Variants in SENP7 observed in about 807,000 individuals in gnomAD.
The protein encoded by SENP7 is sentrin-specific protease 7.
A neutral mutation model predicts 141.2 loss-of-function variants in SENP7; 64 were observed. The observed-to-expected ratio is 0.45, with a 90% CI of 0.37 to 0.56. The LOEUF (loss-of-function observed/expected upper bound fraction) is 0.56. Among genes scored for constraint, SENP7 ranks in the 20% least tolerant of loss-of-function variants. The probability of loss-of-function intolerance (pLI) is 0.00; values close to 1 mark genes in which losing one functional copy is unlikely to be tolerated. For synonymous variants in SENP7, 382 were observed against 426.4 expected, an observed-to-expected ratio of 0.90 and a Z score of 1.28; for missense variants, 1,025 against 1,212.2, an observed-to-expected ratio of 0.85 and a Z score of 2.29.
At chr3:101,411,746 T>C (rs1449627598) in intron 5 of SENP7, among the ~76,000 whole-genome samples, 1 of 152,252 alleles carries the variant, frequency 6.6e-6, no homozygotes, top group African/African-American at 2.4e-5. Context: ...ACTAAAGTTG[T>C]CATTTCACAC....
chr3:101,394,922 CTGTTTGTCATT>C (rs1369776182), intron 6 of SENP7, among the ~76,000 whole-genome samples: 1 of 152,152 alleles, frequency 6.6e-6, no homozygotes, highest in Non-Finnish European at 1.5e-5. Flanking sequence ...GTTCACATAC[CTGTTTGTCATT>C]TGTATGTCTT....
intron 13 of SENP7, 51 bp downstream of exon 13, chr3:101,347,821 T>C: frequency 1.1e-6 from 1 of 898,806 alleles, no homozygotes; most frequent in Non-Finnish European, 1.6e-6. Context: ...GAAAAAACTA[T>C]TTATGACAAT....
At chr3:101,411,833 A>G (rs2061465410) in intron 5 of SENP7, among the ~76,000 whole-genome samples, 2 of 152,254 alleles carry the variant, frequency 1.3e-5, no homozygotes, top group Non-Finnish European at 2.9e-5. Context: ...ATTTACTAAT[A>G]CTATGAAATC....
At chr3:101,395,797 T>C (rs1047126243) in intron 6 of SENP7, among the ~76,000 whole-genome samples, 1 of 152,242 alleles carries the variant, frequency 6.6e-6, no homozygotes, top group Non-Finnish European at 1.5e-5. Context: ...GGAACACATG[T>C]TGGCACCCTC....
At chr3:101,384,617 C>G (rs947952859) in intron 6 of SENP7, among the ~76,000 whole-genome samples, 1 of 152,240 alleles carries the variant, frequency 6.6e-6, no homozygotes, top group Non-Finnish European at 1.5e-5. Flanking sequence ...CCTGGCTGTG[C>G]ACAGTGGCCA....
intron 6 of SENP7, among the ~76,000 whole-genome samples, chr3:101,372,649 A>G (rs779354816): frequency 2.6e-5 from 4 of 152,088 alleles, no homozygotes; most frequent in Admixed American, 6.5e-5. Context: ...TGATAGTCAC[A>G]ATGTTACTAC....
chr3:101,493,372 T>C (rs1331954767), intron 3 of SENP7, among the ~76,000 whole-genome samples: 1 of 152,136 alleles, frequency 6.6e-6, no homozygotes, highest in Non-Finnish European at 1.5e-5. Flanking sequence ...AACCTGCACT[T>C]GTACCACTAA....
upstream of SENP7, chr3:101,513,212 GGAAA>G (rs1559934646): frequency 0.031 from 4,229 of 135,640 alleles, 426 homozygotes; most frequent in African/African-American, 0.097. Context: ...GGAGGGGAAA[GGAAA>G]AAAAAAAAAA....
At chr3:101,422,664 T>C (rs1003529726) in intron 4 of SENP7, among the ~76,000 whole-genome samples, 2 of 152,130 alleles carry the variant, frequency 1.3e-5, no homozygotes, top group Non-Finnish European at 2.9e-5. Flanking sequence ...ATACTAATAC[T>C]CACTTAATTT....
chr3:101,330,376 T>C lies in SENP7; in HGVS notation c.2709A>G (p.Leu903=), dbSNP rs201893096. 6 of 1,605,384 alleles carry C rather than the reference T, an allele frequency of 3.7e-6. No individual in the cohort carries two copies. The highest frequency in any genetic ancestry group is 4.5e-5 in the East Asian group (2 of 44,734). The change falls in exon 20 of 24, where the codon CTA becomes CTG. Residue 903 remains leucine, a synonymous_variant. Transcript: ENST00000394095. ...QNDNKTIDND[L]RTTSTLSLSA... is the part of the protein sequence containing the mutation. ...TCAAAGACAGTGTCGAAGTAGTACGTAGATCATTATCTAGTTAGAAATAAT... is the reference window on the plus strand; with the variant it reads ...TCAAAGACAGTGTCGAAGTAGTACGCAGATCATTATCTAGTTAGAAATAAT...
At chr3:101,344,744 C>T (rs565661728) in intron 13 of SENP7, among the ~76,000 whole-genome samples, 1 of 152,120 alleles carries the variant, frequency 6.6e-6, no homozygotes, top group African/African-American at 2.4e-5. Context: ...AACTGAATTT[C>T]ACTTTTTAGA....
At chr3:101,489,534 T>C (rs968851441) in intron 3 of SENP7, among the ~76,000 whole-genome samples, 3 of 120,988 alleles carry the variant, frequency 2.5e-5, no homozygotes, top group African/African-American at 5.9e-5. Context: ...AAATAGACTT[T>C]AAACAAATAA....
At chr3:101,335,402 T>A (rs1397410704) in intron 17 of SENP7, among the ~76,000 whole-genome samples, 2 of 152,150 alleles carry the variant, frequency 1.3e-5, no homozygotes, top group African/African-American at 2.4e-5. Context: ...TTTTAAAAAC[T>A]GATTTGTAGG....
intron 6 of SENP7, 117 bp from the exon 7 acceptor site, chr3:101,372,243 A>C (rs192588874): frequency 1.0e-4 from 48 of 471,132 alleles, no homozygotes; most frequent in African/African-American, 8.5e-4. Flanking sequence ...ATGGCAGACT[A>C]TAAGATCTGG....
intron 1 of SENP7, among the ~76,000 whole-genome samples, chr3:101,511,392 GGTTGTGC>G (rs752650869): frequency 4.6e-5 from 7 of 152,120 alleles, no homozygotes; most frequent in Non-Finnish European, 1.0e-4. Flanking sequence ...ATTTAAAAAA[GGTTGTGC>G]ATCTCAAAGG....
chr3:101,370,486 A>G (rs1293331214), intron 7 of SENP7, among the ~76,000 whole-genome samples: 1 of 152,224 alleles, frequency 6.6e-6, no homozygotes, highest in African/African-American at 2.4e-5. Flanking sequence ...GTATTTGCAT[A>G]TAACCTATAT....
chr3:101,445,179 A>G (rs1176492138), intron 4 of SENP7, among the ~76,000 whole-genome samples: 1 of 152,206 alleles, frequency 6.6e-6, no homozygotes, highest in South Asian at 2.1e-4. Context: ...GAATGGGATG[A>G]TATCTTCAAA....
In SENP7 at chr3:101,372,725, A is replaced by G. The variant is rs1391417160; in HGVS notation, c.678-599T>C. ...AGTGCATACATATGAAACAAAATAT[A>G]AAAACTTAGACTGGAAGGATTCAAG... On this transcript the variant is annotated intron_variant, in intron 6 of 23. Transcript: ENST00000394095. Among the ~76,000 whole-genome samples the G allele has an allele frequency of 2.0e-5, 3 of 152,084 alleles. No individual in the cohort carries two copies. The East Asian group carries it at 5.8e-4, about 29-fold the overall frequency.
intron 3 of SENP7, among the ~76,000 whole-genome samples, chr3:101,463,416 T>C (rs35243330): frequency 0.079 from 9,126 of 116,014 alleles, 392 homozygotes; most frequent in Non-Finnish European, 0.096. Context: ...TATATATATA[T>C]ACACACACAT....
Sources: gnomAD v4.1 joint callset for allele counts (sites outside exome capture counted in the v4.1 genomes callset) on GRCh38, gnomAD v4.1.1 for gene constraint, MANE v1.5 for transcripts, NCBI Gene and HGNC (gene_info 2026-07-23, HGNC 2026-07-21) for gene names.